The following ADAMTS16 variants were observed in gnomAD, a reference collection of about 807,000 sequenced individuals.
ADAMTS16 encodes ADAM metallopeptidase with thrombospondin type 1 motif 16, also known as A disintegrin and metalloproteinase with thrombospondin motifs 16.
Under a neutral mutation model 145.8 loss-of-function variants are expected in ADAMTS16, and 94 were observed. The observed-to-expected ratio is 0.64, with a 90% CI of 0.55 to 0.77. ADAMTS16 has a LOEUF of 0.77. Among genes scored for constraint, ADAMTS16 ranks in the 30% least tolerant of loss-of-function variants. ADAMTS16 has a pLI of 0.00. For synonymous variants in ADAMTS16, 659 were observed against 604.3 expected, an observed-to-expected ratio of 1.09 and a Z score of -1.33; for missense variants, 1,585 against 1,591.5, an observed-to-expected ratio of 1.00 and a Z score of 0.07.
At chr5:5,305,988 G>T (rs997742090) in intron 20 of ADAMTS16, among the ~76,000 whole-genome samples, 4 of 152,222 alleles carry the variant, frequency 2.6e-5, no homozygotes, top group East Asian at 1.9e-4. Flanking sequence ...CAAGCTTAGA[G>T]CCTGCCTTAG....
In ADAMTS16 at chr5:5,140,333, A is replaced by C; in HGVS notation, c.-135A>C. The C allele has an allele frequency of 2.2e-6, 2 of 897,094 alleles. No homozygotes were observed. Among genetic ancestry groups the C allele is most frequent in the African/African-American group, 1.8e-5 (1 of 55,880 alleles). The allele number at this position is 897,094 out of a possible 1,614,324, so 55.6% of individuals were successfully genotyped here. ...CCCCCGCGCCGCACGGAGCTTCAGT[A>C]ATAACCCCGGCGCGGCGGCGGAGTC... On this transcript the variant is annotated 5_prime_UTR_variant, in exon 1 of 23. Transcript: ENST00000274181.
Position 5,194,862 on chromosome 5 carries a change from A to G in ADAMTS16, c.1313+3072A>G, listed in dbSNP as rs184870447. ...TTCTGAATTTATTATGACTTTTACT[A>G]TTAAAAAACGTGTAAAACATACTGC... On this transcript the variant is annotated intron_variant, in intron 8 of 22. Transcript: ENST00000274181. Among the ~76,000 whole-genome samples the G allele has an allele frequency of 2.9e-3, 444 of 152,332 alleles. 3 individuals are homozygous for G. Among genetic ancestry groups the G allele is most frequent in the Middle Eastern group, 0.017 (5 of 294 alleles).
intron 18 of ADAMTS16, 85 bp from the exon 19 acceptor site, chr5:5,303,183 G>T: frequency 7.3e-7 from 1 of 1,368,912 alleles, no homozygotes; most frequent in Non-Finnish European, 9.7e-7. Flanking sequence ...GGGAAATCGC[G>T]CCGCTGCCTC....
chr5:5,240,498 G>T (rs941060764), intron 16 of ADAMTS16, among the ~76,000 whole-genome samples: 2 of 152,212 alleles, frequency 1.3e-5, no homozygotes, highest in Non-Finnish European at 2.9e-5. Flanking sequence ...CACCATCCTC[G>T]CATGCGACTG....
chr5:5,312,740 G>A (rs1213986015), intron 21 of ADAMTS16, among the ~76,000 whole-genome samples: 2 of 152,220 alleles, frequency 1.3e-5, no homozygotes, highest in Non-Finnish European at 2.9e-5. Flanking sequence ...TTTCAGGCAT[G>A]AGCCGCTGCA....
chr5:5,182,393 T>C (rs976170548), intron 4 of ADAMTS16, 88 bp downstream of exon 4: 1 of 1,506,302 alleles, frequency 6.6e-7, no homozygotes, highest in Non-Finnish European at 8.9e-7. Flanking sequence ...TCAAAGCATG[T>C]CTGCCCACGG....
At chr5:5,260,105 A>G (rs1737955607) in intron 17 of ADAMTS16, among the ~76,000 whole-genome samples, 1 of 152,268 alleles carries the variant, frequency 6.6e-6, no homozygotes, top group African/African-American at 2.4e-5. Context: ...ATTGAGGTCC[A>G]TCTTCAATGG....
At chr5:5,170,838 T>G (rs1371426521) in intron 3 of ADAMTS16, among the ~76,000 whole-genome samples, 1 of 152,188 alleles carries the variant, frequency 6.6e-6, no homozygotes, top group Non-Finnish European at 1.5e-5. Context: ...GATTGTTTTC[T>G]TTGCTGTGCA....
chr5:5,191,823 G>A (rs759299409), intron 8 of ADAMTS16, 33 bp downstream of exon 8: 21 of 1,528,854 alleles, frequency 1.4e-5, no homozygotes, highest in African/African-American at 2.8e-5. Context: ...ATGGCATCCC[G>A]AGTTTTTTCC....
intron 18 of ADAMTS16, among the ~76,000 whole-genome samples, chr5:5,272,822 T>C (rs1295294711): frequency 6.6e-6 from 1 of 152,230 alleles, no homozygotes; most frequent in Non-Finnish European, 1.5e-5. Context: ...GCAAATCTAC[T>C]ATGCATTCAT....
intron 18 of ADAMTS16, among the ~76,000 whole-genome samples, chr5:5,281,443 C>A (rs1198843589): frequency 6.6e-6 from 1 of 152,120 alleles, no homozygotes; most frequent in Admixed American, 6.5e-5. Context: ...GTAAATATTT[C>A]ATAATATTAG....
chr5:5,274,255 C>T (rs2126458190), intron 18 of ADAMTS16, among the ~76,000 whole-genome samples: 1 of 152,296 alleles, frequency 6.6e-6, no homozygotes, highest in Middle Eastern at 3.4e-3. Flanking sequence ...CTCTTAGTGT[C>T]ATACATGCTG....
At chr5:5,214,802 A>T (rs1453257863) in intron 10 of ADAMTS16, among the ~76,000 whole-genome samples, 2 of 152,252 alleles carry the variant, frequency 1.3e-5, no homozygotes, top group Admixed American at 6.5e-5. Flanking sequence ...AGAGATTTTT[A>T]AAAATTTTCT....
chr5:5,260,874 T>C (rs938858369), intron 17 of ADAMTS16, among the ~76,000 whole-genome samples: 1 of 152,214 alleles, frequency 6.6e-6, no homozygotes, highest in African/African-American at 2.4e-5. Flanking sequence ...TGAGGGATTT[T>C]TGTGCCTCGT....
intron 3 of ADAMTS16, among the ~76,000 whole-genome samples, chr5:5,178,104 C>T (rs1375896527): frequency 6.6e-6 from 1 of 152,230 alleles, no homozygotes; most frequent in Non-Finnish European, 1.5e-5. Flanking sequence ...AGTAAACATC[C>T]TACTGCCGAG....
chr5:5,296,375 A>C (rs978050502), intron 18 of ADAMTS16, among the ~76,000 whole-genome samples: 4 of 152,178 alleles, frequency 2.6e-5, no homozygotes, highest in African/African-American at 9.7e-5. Flanking sequence ...GAATCGGTTG[A>C]CCGGACTCCC....
chr5:5,202,650 A>G (rs1735993014), intron 9 of ADAMTS16, among the ~76,000 whole-genome samples: 1 of 152,196 alleles, frequency 6.6e-6, no homozygotes, highest in Non-Finnish European at 1.5e-5. Flanking sequence ...GGAGTTTTCT[A>G]TATTCCAGAT....
chr5:5,173,332 CCTT>C (rs1218651711), intron 3 of ADAMTS16, among the ~76,000 whole-genome samples: 1 of 149,114 alleles, frequency 6.7e-6, no homozygotes, highest in Non-Finnish European at 1.5e-5. Flanking sequence ...TTATTTCTTT[CCTT>C]CTTGTCTTCC....
In ADAMTS16 at chr5:5,269,721, G is replaced by A. The variant is rs537485249; in HGVS notation, c.2789+6938G>A. On this transcript the variant is annotated intron_variant, in intron 18 of 22. Coordinates refer to ENST00000274181, the MANE Select transcript of ADAMTS16 (RefSeq NM_139056.4). The surrounding 1 kb of genome is among the most constrained non-coding windows in gnomAD (Gnocchi z 4.3). ...TGGTTCCTGTTGTTTTTCTGGCTGG[G>A]TCTCCTCTGCCTCCACCTCTCTACG... 6.6e-6 allele frequency among the ~76,000 whole-genome samples: 1 copy of A among 152,230 alleles called. No individual in the cohort carries two copies. Among genetic ancestry groups the A allele is most frequent in the Admixed American group, 6.5e-5 (1 of 15,294 alleles).
Sources: allele counts gnomAD v4.1 joint callset (sites outside exome capture counted in the v4.1 genomes callset), GRCh38; gene constraint gnomAD v4.1.1; non-coding constraint Gnocchi (gnomAD v3.1); transcripts MANE v1.5; gene names NCBI Gene and HGNC (gene_info 2026-07-23, HGNC 2026-07-21).